The following ATP7A variants were observed in gnomAD, a reference collection of about 807,000 sequenced individuals.
The protein encoded by ATP7A is copper-transporting ATPase 1.
Under a neutral mutation model 83.5 loss-of-function variants are expected in ATP7A, and 7 were observed. The ratio of observed to expected loss-of-function variants is 0.08; its 90% CI spans 0.05 to 0.16. The LOEUF (loss-of-function observed/expected upper bound fraction) is 0.16, where lower values mean the gene tolerates loss of function less well. Among genes scored for constraint, ATP7A ranks in the 10% least tolerant of loss-of-function variants. The probability of loss-of-function intolerance (pLI) is 1.00; values close to 1 mark genes in which losing one functional copy is unlikely to be tolerated. For synonymous variants in ATP7A, 354 were observed against 395.2 expected (o/e 0.90, Z 1.24); for missense variants, 940 against 1,120.8 (o/e 0.84, Z 2.30).
intron 1 of ATP7A, among the ~76,000 whole-genome samples, chrX:77,961,106 A>G (rs1420188692): frequency 7.1e-5 from 8 of 112,101 alleles, no homozygotes; most frequent in Non-Finnish European, 1.9e-5. Context: ...AAAAAAAACA[A>G]TGCAGGTGAA....
chrX:77,940,122 A>C (rs1022974908), intron 1 of ATP7A, among the ~76,000 whole-genome samples: 3 of 111,184 alleles, frequency 2.7e-5, no homozygotes, highest in Non-Finnish European at 5.7e-5. Flanking sequence ...TATTAGACAA[A>C]AAAATGCATT....
At chrX:77,912,502 C>A (rs2077165662) in intron 1 of ATP7A, among the ~76,000 whole-genome samples, 1 of 111,217 alleles carries the variant, frequency 9.0e-6, no homozygotes, top group Admixed American at 9.6e-5. Context: ...ATATAGAATA[C>A]AAAACTAGTC....
chrX:77,998,340 A>G, intron 4 of ATP7A, 138 bp from the exon 5 acceptor site: 1 of 588,005 alleles, frequency 1.7e-6, no homozygotes, highest in South Asian at 2.6e-5. Context: ...AGATAACTTA[A>G]TGCTAACGGA....
intron 2 of ATP7A, among the ~76,000 whole-genome samples, chrX:77,984,438 T>A (rs781853941): frequency 9.1e-5 from 10 of 110,211 alleles, no homozygotes; most frequent in African/African-American, 1.7e-4. Context: ...TTCAAGTGAT[T>A]CTTCAAGTGG....
chrX:77,917,953 A>G (rs2077192973), intron 1 of ATP7A, among the ~76,000 whole-genome samples: 1 of 112,155 alleles, frequency 8.9e-6, no homozygotes. Context: ...GGCTTAAAGC[A>G]TGAATGGATT....
chrX:77,988,871 C>A, intron 3 of ATP7A, 140 bp downstream of exon 3: 2 of 852,285 alleles, frequency 2.3e-6, no homozygotes, highest in Admixed American at 2.6e-5. Flanking sequence ...AGCATATTCC[C>A]AGGATTAAAA....
chrX:77,996,970 T>A (rs1256916668), intron 4 of ATP7A, among the ~76,000 whole-genome samples: 2 of 111,290 alleles, frequency 1.8e-5, no homozygotes, highest in Non-Finnish European at 3.8e-5. Flanking sequence ...TTTGGTAAAT[T>A]TCACAGTCTG....
chrX:77,992,136 C>G (rs1238340544), intron 4 of ATP7A, among the ~76,000 whole-genome samples: 1 of 108,152 alleles, frequency 9.2e-6, no homozygotes, highest in Non-Finnish European at 1.9e-5. Context: ...ATGATCTCAG[C>G]TCACTGCAAC....
At chrX:77,972,086 C>T (rs1252041636) in intron 2 of ATP7A, among the ~76,000 whole-genome samples, 1 of 111,582 alleles carries the variant, frequency 9.0e-6, no homozygotes, top group Non-Finnish European at 1.9e-5. Context: ...TGTATGTTTT[C>T]AGGGGATGGG....
At chrX:77,973,987 T>G (rs2149075077) in intron 2 of ATP7A, among the ~76,000 whole-genome samples, 1 of 111,677 alleles carries the variant, frequency 9.0e-6, no homozygotes, top group Admixed American at 9.5e-5. Context: ...AATGGTACTG[T>G]TTTTAAATTT....
intron 21 of ATP7A, among the ~76,000 whole-genome samples, chrX:78,044,642 A>T (rs1557238875): frequency 1.8e-5 from 2 of 111,246 alleles, no homozygotes. Context: ...GTCAGCTGGT[A>T]TTTTTTTTAG....
At chrX:77,961,131 G>T (rs2077472268) in intron 1 of ATP7A, among the ~76,000 whole-genome samples, 1 of 111,524 alleles carries the variant, frequency 9.0e-6, no homozygotes, top group Admixed American at 9.6e-5. Flanking sequence ...GAAAGCGAAA[G>T]AAATATGTAT....
At chrX:77,956,900 T>C (rs1185947615) in intron 1 of ATP7A, among the ~76,000 whole-genome samples, 1 of 107,881 alleles carries the variant, frequency 9.3e-6, no homozygotes, top group Non-Finnish European at 1.9e-5. Flanking sequence ...TGGGCTTACG[T>C]GATCCTCCCA....
intron 2 of ATP7A, among the ~76,000 whole-genome samples, chrX:77,978,685 CA>C (rs1221481745): frequency 9.0e-6 from 1 of 110,593 alleles, no homozygotes; most frequent in African/African-American, 3.3e-5. Context: ...ATAAAGTCGT[CA>C]AATGAAGCAC....
chrX:78,040,132 T>C lies in ATP7A; in HGVS notation c.3659-459T>C, dbSNP rs150097268. 9.4e-3 allele frequency among the ~76,000 whole-genome samples: 1,035 copies of C among 110,163 alleles called. 8 individuals are homozygous for C. The highest frequency in any genetic ancestry group is 0.015 in the Non-Finnish European group (784 of 52,663). On this transcript the variant is annotated intron_variant, in intron 18 of 22. Coordinates refer to ENST00000341514, the MANE Select transcript of ATP7A (RefSeq NM_000052.7). Reference sequence around the variant, plus strand: ...TACCATTTTACTTTTGTTTTGTAAATAGAATAAAATAATAAGATTTATGGT... The same window carrying C: ...TACCATTTTACTTTTGTTTTGTAAACAGAATAAAATAATAAGATTTATGGT...
rs1557234954 is a variant in ATP7A, at chrX:78,014,748, C to T, written c.2493C>T (p.Leu831=). The T allele has an allele frequency of 8.4e-7, 1 of 1,189,718 alleles. No homozygotes were observed. Among genetic ancestry groups the T allele is most frequent in the Non-Finnish European group, 1.1e-6 (1 of 877,002 alleles). ...TAACTCTTGATTCTGATAATATCCT[C>T]CTCAGGTATTTATCTTCACTCTTCC... The part of the protein sequence containing the change: ...TIVTLDSDNI[L]LSEEQVDVEL... The change falls in exon 11 of 23, where the codon CTC becomes CTT. Residue 831 remains leucine (L), a synonymous_variant. Transcript: ENST00000341514.
intron 1 of ATP7A, among the ~76,000 whole-genome samples, chrX:77,947,770 G>T (rs1295314380): frequency 1.4e-5 from 1 of 69,142 alleles, no homozygotes; most frequent in African/African-American, 6.1e-5. Flanking sequence ...ACAGAGTTTC[G>T]CTCTTGTTGC....
intron 16 of ATP7A, among the ~76,000 whole-genome samples, chrX:78,032,381 A>G (rs1210639613): frequency 1.8e-5 from 2 of 111,924 alleles, no homozygotes; most frequent in African/African-American, 6.5e-5. Context: ...ATTTTGATGA[A>G]TGCTACCAAT....
intron 1 of ATP7A, among the ~76,000 whole-genome samples, chrX:77,941,025 A>G (rs1309637879): frequency 1.8e-5 from 2 of 112,098 alleles, no homozygotes; most frequent in Non-Finnish European, 3.8e-5. Context: ...GGAAAAATAA[A>G]AAATAAATAA....
Sources: gnomAD v4.1 joint callset for allele counts (sites outside exome capture counted in the v4.1 genomes callset) on GRCh38, gnomAD v4.1.1 for gene constraint, MANE v1.5 for transcripts, NCBI Gene and HGNC (gene_info 2026-07-23, HGNC 2026-07-21) for gene names.